The following UGCG variants were observed in gnomAD, a reference collection of about 807,000 sequenced individuals.
UGCG encodes the protein ceramide glucosyltransferase.
A neutral mutation model predicts 49.5 loss-of-function variants in UGCG; 10 were observed. The ratio of observed to expected loss-of-function variants is 0.20; its 90% CI spans 0.12 to 0.34. The LOEUF is 0.34. Ranked by LOEUF, UGCG falls within the 10% of genes least tolerant of loss-of-function variation. The pLI is 1.00. For synonymous variants in UGCG, 182 were observed against 158.2 expected, an observed-to-expected ratio of 1.15 and a Z score of -1.13; for missense variants, 312 against 483.7, an observed-to-expected ratio of 0.65 and a Z score of 3.33.
chr9:111,916,887 G>A (rs899273686), intron 2 of UGCG, among the ~76,000 whole-genome samples: 2 of 151,532 alleles, frequency 1.3e-5, no homozygotes, highest in South Asian at 2.1e-4. Context: ...GCTTGTGCTT[G>A]TAATCCTAGC....
At chr9:111,911,829 A>G (rs1838000235) in intron 1 of UGCG, among the ~76,000 whole-genome samples, 1 of 149,714 alleles carries the variant, frequency 6.7e-6, no homozygotes, top group African/African-American at 2.5e-5. Context: ...AGCCTGGGAG[A>G]TGCAGATAAT....
intron 2 of UGCG, among the ~76,000 whole-genome samples, chr9:111,919,573 C>T (rs924210842): frequency 9.2e-5 from 14 of 151,872 alleles, no homozygotes; most frequent in South Asian, 2.1e-4. Context: ...AGGCAGATCA[C>T]GAGGTCAGGA....
intron 1 of UGCG, among the ~76,000 whole-genome samples, chr9:111,910,562 T>C (rs1316810552): frequency 1.3e-5 from 2 of 152,192 alleles, no homozygotes; most frequent in East Asian, 1.9e-4. Flanking sequence ...GAGTTTCTGA[T>C]GTCAGTGATT....
chr9:111,926,354 C>A (rs768996624), intron 4 of UGCG, 30 bp from the exon 5 acceptor site: 1 of 1,528,434 alleles, frequency 6.5e-7, no homozygotes, highest in South Asian at 1.2e-5. Flanking sequence ...TTTCTTTTCT[C>A]CCCCTCTCTG....
chr9:111,922,939 A>G lies in UGCG; in HGVS notation c.331A>G (p.Arg111Gly), dbSNP rs368238038. 9.9e-6 allele frequency: 16 copies of G among 1,610,210 alleles called. No homozygotes were observed. The East Asian group carries it at 1.3e-4, about 13-fold the overall frequency. The change falls in exon 3 of 9, where the codon AGA becomes GGA. Residue 111 changes from arginine to glycine, a missense_variant. Around this residue, in one of 4 missense-constraint regions of UGCG, gnomAD observed 64 missense variants for 67.6 expected, o/e 0.95. Transcript: ENST00000374279. ...TGGAAAATATCCAAATGTTGATGCT[A>G]GATTGTTTATAGGTAAGTAACAAAT... ...LLGKYPNVDA[R>G]LFIGGKKVGI... is the part of the protein sequence containing the mutation.
chr9:111,906,912 A>T (rs1837896487), intron 1 of UGCG, among the ~76,000 whole-genome samples: 2 of 152,186 alleles, frequency 1.3e-5, no homozygotes, highest in African/African-American at 4.8e-5. Flanking sequence ...TGCCTAGAGG[A>T]TGAGCTCCAG....
rs1348743547 is a variant in UGCG, at chr9:111,932,967, G to C, written c.1155G>C (p.Gly385=). The change falls in exon 9 of 9, where the codon GGG becomes GGC. Residue 385 remains glycine, a synonymous_variant. Transcript: ENST00000374279. ...CTGGTCGCTACAGATTACGCTGTGG[G>C]GGTACAGCAGAGGAAATCCTAGATG... is the stretch of plus-strand genomic sequence containing the variant. ...WRTGRYRLRC[G]GTAEEILDV The C allele has an allele frequency of 3.7e-6, 6 of 1,600,224 alleles. No individual in the cohort carries two copies. The highest frequency in any genetic ancestry group is 4.3e-6 in the Non-Finnish European group (5 of 1,172,990).
Position 111,918,872 on chromosome 9 carries a change from C to T in UGCG, c.241-3977C>T, listed in dbSNP as rs377254608. Among the ~76,000 whole-genome samples, 43 of 147,440 alleles carry T rather than the reference C, an allele frequency of 2.9e-4. No individual in the cohort carries two copies. In the East Asian group the frequency reaches 5.2e-3, roughly 18 times the overall value. ...CCTGGAAGGCGGAGCTTGCAGTGAG[C>T]GGAGATCGCGCCACAGCACTCCCGC... On this transcript the variant is annotated intron_variant, in intron 2 of 8. Transcript: ENST00000374279.
rs370721986 is a variant in UGCG, at chr9:111,908,103, T to G, written c.99-6502T>G. 1.9e-3 allele frequency among the ~76,000 whole-genome samples: 247 copies of G among 131,578 alleles called. 2 individuals are homozygous for G. The highest frequency in any genetic ancestry group is 4.9e-3 in the African/African-American group (175 of 35,508). 86.3% of individuals were successfully genotyped at this position (131,578 alleles called of 152,430 possible). ...AAAAGTTGAAGGCTTGGGGGGTGGG[T>G]GGTGGGAAGAGTAGGGCTTTTAGTA... On this transcript the variant is annotated intron_variant, in intron 1 of 8. Coordinates refer to ENST00000374279, the MANE Select transcript of UGCG (RefSeq NM_003358.3).
In UGCG at chr9:111,897,430, T is replaced by C. The variant is rs117454416; in HGVS notation, c.98+117T>C. 5,859 of 778,744 alleles carry C rather than the reference T, an allele frequency of 7.5e-3. 33 individuals carry two copies. The highest frequency in any genetic ancestry group is 8.9e-3 in the Non-Finnish European group (4,415 of 496,472). 48.2% of individuals were successfully genotyped at this position (778,744 alleles called of 1,614,324 possible). On this transcript the variant is annotated intron_variant, in intron 1 of 8. Transcript: ENST00000374279. Reference sequence around the variant, plus strand: ...GGGCTCGGGCGGGGGTGGAGAAAGCTGATCGTCAGGCTGTTCCCCCCGTTC... The same window carrying C: ...GGGCTCGGGCGGGGGTGGAGAAAGCCGATCGTCAGGCTGTTCCCCCCGTTC...
chr9:111,930,924 T>G (rs1012381333), intron 6 of UGCG, among the ~76,000 whole-genome samples: 2 of 152,260 alleles, frequency 1.3e-5, no homozygotes, highest in Admixed American at 6.5e-5. Context: ...AATGCCACTT[T>G]CTGTTTACAT....
At chr9:111,932,516 A>C (rs971720281) in intron 8 of UGCG, among the ~76,000 whole-genome samples, 157 bp downstream of exon 8, 3 of 152,240 alleles carry the variant, frequency 2.0e-5, no homozygotes, top group Non-Finnish European at 2.9e-5. Flanking sequence ...TGGAATGTTG[A>C]TGCAAAACTT....
At chr9:111,916,664 C>T (rs1178575238) in intron 2 of UGCG, among the ~76,000 whole-genome samples, 3 of 151,706 alleles carry the variant, frequency 2.0e-5, no homozygotes, top group African/African-American at 7.3e-5. Context: ...GAGGGTGTTG[C>T]CATGTTGCCG....
chr9:111,910,047 A>C lies in UGCG; in HGVS notation c.99-4558A>C, dbSNP rs762394249. ...TAGAGAGGGCTTTGTGGCTGTTGAG[A>C]GAGTCAGAATGAATCTATGATAAAA... On this transcript the variant is annotated intron_variant, in intron 1 of 8. Transcript: ENST00000374279. Among the ~76,000 whole-genome samples the C allele has an allele frequency of 2.6e-5, 4 of 152,208 alleles. 1 individual carries two copies. Among genetic ancestry groups the C allele is most frequent in the Non-Finnish European group, 5.9e-5 (4 of 68,040 alleles).
intron 4 of UGCG, among the ~76,000 whole-genome samples, chr9:111,925,218 C>T (rs1437793407): frequency 2.0e-5 from 3 of 152,134 alleles, no homozygotes; most frequent in Admixed American, 2.0e-4. Flanking sequence ...TTTCGGCTTG[C>T]GTAATACACC....
chr9:111,929,226 G>A (rs908178238), intron 5 of UGCG: 2 of 299,430 alleles, frequency 6.7e-6, no homozygotes, highest in Admixed American at 4.9e-5. Context: ...AAGATACATT[G>A]AATATTTGTT....
At chr9:111,910,910 C>T (rs572246999) in intron 1 of UGCG, among the ~76,000 whole-genome samples, 1 of 152,030 alleles carries the variant, frequency 6.6e-6, no homozygotes, top group African/African-American at 2.4e-5. Context: ...CATGCCTGGC[C>T]ATATTTTGTA....
At chr9:111,908,382 A>G (rs1837931645) in intron 1 of UGCG, among the ~76,000 whole-genome samples, 1 of 152,216 alleles carries the variant, frequency 6.6e-6, no homozygotes. Context: ...AGCCAGCAAA[A>G]CTAGTCTGAA....
At chr9:111,906,800 TC>T (rs1837894391) in intron 1 of UGCG, among the ~76,000 whole-genome samples, 1 of 152,186 alleles carries the variant, frequency 6.6e-6, no homozygotes, top group Non-Finnish European at 1.5e-5. Context: ...GCAATATTTT[TC>T]CCTTGCCTTC....
Sources: allele counts gnomAD v4.1 joint callset (sites outside exome capture counted in the v4.1 genomes callset), GRCh38; gene constraint gnomAD v4.1.1; regional missense constraint gnomAD v4.1.1; transcripts MANE v1.5; gene names NCBI Gene and HGNC (gene_info 2026-07-23, HGNC 2026-07-21).